Variants in PHF20 observed in about 807,000 individuals in gnomAD.
PHF20 encodes the protein PHD finger protein 20.
A neutral mutation model predicts 113.5 loss-of-function variants in PHF20; 23 were observed. The ratio of observed to expected loss-of-function variants is 0.20; its 90% CI spans 0.15 to 0.29. The LOEUF (loss-of-function observed/expected upper bound fraction) is 0.29, where lower values mean the gene tolerates loss of function less well. PHF20 is among the 10% of genes least tolerant of loss of function. The pLI is 1.00. For missense variants in PHF20, 943 were observed against 1,219.6 expected, an observed-to-expected ratio of 0.77 and a Z score of 3.38; for synonymous variants, 434 against 457.3, an observed-to-expected ratio of 0.95 and a Z score of 0.65.
chr20:35,878,448 A>G, intron 9 of PHF20: 2 of 530,682 alleles, frequency 3.8e-6, no homozygotes, highest in Non-Finnish European at 6.6e-6. Context: ...TTGTTTAAGC[A>G]ATCACTATGT....
At chr20:35,838,836 C>A (rs1313910156) in intron 2 of PHF20, among the ~76,000 whole-genome samples, 9 of 141,564 alleles carry the variant, frequency 6.4e-5, no homozygotes, top group Non-Finnish European at 1.1e-4. Context: ...AAAAAAAAAA[C>A]CCAATAAATT....
chr20:35,933,404 T>C (rs2055801700), intron 15 of PHF20, among the ~76,000 whole-genome samples: 1 of 151,766 alleles, frequency 6.6e-6, no homozygotes, highest in Non-Finnish European at 1.5e-5. Flanking sequence ...GGATAATTTT[T>C]TTTTTTTTTT....
At chr20:35,917,276 G>A (rs1183615539) in intron 12 of PHF20, 1 of 665,032 alleles carries the variant, frequency 1.5e-6, no homozygotes. Context: ...TGAGGAAGTG[G>A]AGTTGAGTTC....
intron 5 of PHF20, 121 bp from the exon 6 acceptor site, chr20:35,862,892 T>C (rs557019980): frequency 1.1e-6 from 1 of 924,056 alleles, no homozygotes; most frequent in Non-Finnish European, 1.6e-6. Context: ...GCTTTGTATA[T>C]GTGATCTGGC....
In PHF20 at chr20:35,899,630, G is replaced by A; in HGVS notation, c.1543G>A (p.Val515Ile). 6.2e-7 allele frequency: 1 copy of A among 1,613,974 alleles called. No individual in the cohort carries two copies. Among genetic ancestry groups the A allele is most frequent in the Non-Finnish European group, 8.5e-7 (1 of 1,179,966 alleles). ...PSQETLTRKR[V>I]SASSPTTKDK... ...CCAGGAGACCCTGACCAGGAAGCGGGTCTCTGCCAGTTCCCCAAGTAAGTA... is the reference window on the plus strand; with the variant it reads ...CCAGGAGACCCTGACCAGGAAGCGGATCTCTGCCAGTTCCCCAAGTAAGTA... The change falls in exon 10 of 18, where the codon GTC becomes ATC. Residue 515 changes from valine to isoleucine, a missense_variant. Transcript: ENST00000374012.
At chr20:35,842,289 A>C (rs1159145658) in intron 2 of PHF20, among the ~76,000 whole-genome samples, 1 of 152,098 alleles carries the variant, frequency 6.6e-6, no homozygotes, top group East Asian at 1.9e-4. Flanking sequence ...GCGGTGAGCC[A>C]AGATCACACC....
intron 17 of PHF20, among the ~76,000 whole-genome samples, chr20:35,942,351 G>A (rs1435558513): frequency 6.6e-6 from 1 of 152,198 alleles, no homozygotes; most frequent in Non-Finnish European, 1.5e-5. Flanking sequence ...AGGATATAAT[G>A]TTAGACAAAA....
In PHF20 at chr20:35,947,715, T is replaced by TG; in HGVS notation, c.*89dup. 7.7e-7 allele frequency: 1 copy of TG among 1,303,314 alleles called. No homozygotes were observed. Among genetic ancestry groups the TG allele is most frequent in the Admixed American group, 2.0e-5 (1 of 51,044 alleles). The allele number at this position is 1,303,314 out of a possible 1,614,324, so 80.7% of individuals were successfully genotyped here. ...ATTTAAATAAATAAACCTAGCATGC[T>TG]GAATGCACGTGACACCGACTGACTT... On this transcript the variant is annotated 3_prime_UTR_variant, in exon 18 of 18. Coordinates refer to ENST00000374012, the MANE Select transcript of PHF20 (RefSeq NM_016436.5).
Position 35,931,305 on chromosome 20 carries a change from A to T in PHF20, c.2161A>T (p.Met721Leu). Residue 721 changes from methionine (M) to leucine (L), a missense_variant, in exon 15 of 18, where the codon ATG becomes TTG. Coordinates refer to ENST00000374012, the MANE Select transcript of PHF20 (RefSeq NM_016436.5). ...YDKEWLSRGH[M>L]HGLAFLEENY... The stretch of plus-strand genomic sequence containing the variant: ...CAAGGAGTGGCTGAGCAGGGGACAT[A>T]TGCATGGCCTGGCATTTCTAGAAGA... The T allele has an allele frequency of 6.2e-7, 1 of 1,614,124 alleles. No homozygotes were observed. The highest frequency in any genetic ancestry group is 8.5e-7 in the Non-Finnish European group (1 of 1,180,020).
chr20:35,873,103 T>C (rs1568685291), intron 9 of PHF20, among the ~76,000 whole-genome samples: 1 of 142,536 alleles, frequency 7.0e-6, no homozygotes, highest in Non-Finnish European at 1.5e-5. Context: ...TACACATTTA[T>C]AATTTTTTTT....
chr20:35,918,176 G>A (rs2147092474), intron 13 of PHF20, among the ~76,000 whole-genome samples: 1 of 152,158 alleles, frequency 6.6e-6, no homozygotes, highest in Middle Eastern at 3.4e-3. Context: ...CCTGCTTGGG[G>A]AAACCATGCC....
chr20:35,846,249 G>C (rs372551937), intron 3 of PHF20, among the ~76,000 whole-genome samples: 1 of 150,462 alleles, frequency 6.6e-6, no homozygotes, highest in Non-Finnish European at 1.5e-5. Flanking sequence ...GCGCAATCTC[G>C]GCTCACTGCA....
At chr20:35,786,041 A>C (rs532031203) in intron 1 of PHF20, among the ~76,000 whole-genome samples, 353 of 150,484 alleles carry the variant, frequency 2.3e-3, no homozygotes, top group Non-Finnish European at 4.2e-3. Flanking sequence ...CAAAAAAAAA[A>C]AAAACAAAAA....
At chr20:35,806,791 CTT>C (rs751352334) in intron 2 of PHF20, among the ~76,000 whole-genome samples, 1,520 of 112,760 alleles carry the variant, frequency 0.013, 5 homozygotes, top group Non-Finnish European at 0.02. Flanking sequence ...GACCTTTACT[CTT>C]TTTTTTTTTT....
intron 3 of PHF20, among the ~76,000 whole-genome samples, chr20:35,844,189 A>G (rs1280366501): frequency 6.6e-6 from 1 of 151,586 alleles, no homozygotes; most frequent in African/African-American, 2.4e-5. Flanking sequence ...TGCAACCTCC[A>G]TCTCCTGGGT....
intron 2 of PHF20, among the ~76,000 whole-genome samples, chr20:35,807,170 A>G (rs2041899522): frequency 6.6e-6 from 1 of 151,984 alleles, no homozygotes; most frequent in African/African-American, 2.4e-5. Flanking sequence ...TTTGAAGTAA[A>G]TTGTATTTAA....
chr20:35,911,334 G>A (rs1457584723), intron 10 of PHF20, among the ~76,000 whole-genome samples: 1 of 152,196 alleles, frequency 6.6e-6, no homozygotes, highest in East Asian at 1.9e-4. Flanking sequence ...GAGCCACTGC[G>A]CCCGGCCTGC....
At chr20:35,871,252 G>A in intron 8 of PHF20, 118 bp downstream of exon 8, 1 of 818,364 alleles carries the variant, frequency 1.2e-6, no homozygotes, top group Non-Finnish European at 2.0e-6. Flanking sequence ...TCAAACTATT[G>A]AATGTGCTGC....
Position 35,931,389 on chromosome 20 carries a change from G to A in PHF20, c.2245G>A (p.Val749Met), listed in dbSNP as rs1346752698. 3 of 1,614,014 alleles carry A rather than the reference G, an allele frequency of 1.9e-6. No individual in the cohort carries two copies. Among genetic ancestry groups the A allele is most frequent in the Non-Finnish European group, 2.5e-6 (3 of 1,180,008 alleles). Residue 749 changes from valine (V) to methionine (M), a missense_variant, in exon 15 of 18, where the codon GTG becomes ATG. By Grantham distance (21) the Val-to-Met change is conservative. This residue lies in a region of PHF20 where 349 missense variants were observed against 412.3 expected (regional missense o/e 0.85). Transcript: ENST00000374012. ...GGCCACCCACCAGCTTCTTGGTGAT[G>A]TGCAGAGAGTGATTGAGGTTCTGCA... ...IVATHQLLGD[V>M]QRVIEVLHGL... is the part of the protein sequence containing the mutation.
Sources: gnomAD v4.1 joint callset for allele counts (sites outside exome capture counted in the v4.1 genomes callset) on GRCh38, gnomAD v4.1.1 for gene constraint, gnomAD v4.1.1 regional missense constraint, MANE v1.5 for transcripts, NCBI Gene and HGNC (gene_info 2026-07-23, HGNC 2026-07-21) for gene names.